Variants in FAM240C observed in about 807,000 individuals in gnomAD.
FAM240C encodes the protein family with sequence similarity 240 member C.
FAM240C carries 14 observed loss-of-function variants against 10.0 expected under a neutral mutation model. That is an observed-to-expected ratio of 1.40 (90% CI 0.92 to 2.19). The LOEUF (loss-of-function observed/expected upper bound fraction) is 2.19. Ranked by LOEUF, FAM240C falls within the 30% of genes most tolerant of loss-of-function variation. The pLI is 0.00. For synonymous variants in FAM240C, 49 were observed against 44.3 expected, an observed-to-expected ratio of 1.11 and a Z score of -0.42; for missense variants, 154 against 122.3, an observed-to-expected ratio of 1.26 and a Z score of -1.22.
chr2:241,899,259 C>T, intron 1 of FAM240C: 2 of 1,295,232 alleles, frequency 1.5e-6, no homozygotes, highest in Non-Finnish European at 2.0e-6. Context: ...GTGGCCTGCG[C>T]AGCCTGTTGT....
At chr2:241,901,968 C>G (rs555579220), upstream of FAM240C, among the ~76,000 whole-genome samples, 1 of 152,156 alleles carries the variant, frequency 6.6e-6, no homozygotes, top group Admixed American at 6.5e-5. This position sits in a 1 kb window ranked among gnomAD's most constrained non-coding sequence, Gnocchi z 4.9. Flanking sequence ...TGCGGAGGGA[C>G]GGCAGGGCGC....
At position 241,897,064 on chromosome 2, in the gene FAM240C, G is replaced by T. The variant is rs182834746; in HGVS notation, c.161+122C>A. ...TCCTTTCACAGGCCTGGAGCTGAGGGGTTTCATGGTGGGCTGAGGGCCAGG... is the reference window on the plus strand; with the variant it reads ...TCCTTTCACAGGCCTGGAGCTGAGGTGTTTCATGGTGGGCTGAGGGCCAGG... On this transcript the variant is annotated intron_variant, in intron 2 of 2. Coordinates refer to ENST00000404031, the MANE Select transcript of FAM240C (RefSeq NM_001382368.1). 136 of 1,035,362 alleles carry T rather than the reference G, an allele frequency of 1.3e-4. No homozygotes were observed. In the East Asian group the frequency reaches 3.4e-3, roughly 26 times the overall value. The allele number at this position is 1,035,362 out of a possible 1,614,324, so 64.1% of individuals were successfully genotyped here.
intron 2 of FAM240C, among the ~76,000 whole-genome samples, chr2:241,895,362 G>C (rs1461689776): frequency 6.6e-6 from 1 of 152,240 alleles, no homozygotes; most frequent in African/African-American, 2.4e-5. Context: ...CCATCCCAGA[G>C]AGGCTGCCAG....
intron 2 of FAM240C, among the ~76,000 whole-genome samples, chr2:241,896,420 A>G (rs1701805088): frequency 6.7e-6 from 1 of 150,174 alleles, no homozygotes; most frequent in African/African-American, 2.4e-5. Flanking sequence ...AACAAGCCAG[A>G]GAAAGACATT....
intron 1 of FAM240C, chr2:241,898,982 T>G: frequency 1.6e-6 from 1 of 622,466 alleles, no homozygotes. Context: ...TTGCTTGGCC[T>G]TGGAGGCATT....
chr2:241,894,066 G>T lies in FAM240C; in HGVS notation c.*147C>A. On this transcript the variant is annotated 3_prime_UTR_variant, in exon 3 of 3. Transcript: ENST00000404031. ...ACTCTGCTGCAGCGTGGACCCCGAG[G>T]TGGGATTATTACGGGGTCAGCGAGG... 1 of 883,112 alleles carries T rather than the reference G, an allele frequency of 1.1e-6. No homozygotes were observed. Among genetic ancestry groups the T allele is most frequent in the Non-Finnish European group, 1.7e-6 (1 of 599,906 alleles). 54.7% of individuals were successfully genotyped at this position (883,112 alleles called of 1,614,324 possible). A position where few individuals can be genotyped will look rare whatever the true frequency, so the allele number is the denominator to read the frequency against.
At chr2:241,900,711 C>T (rs905395153), upstream of FAM240C, among the ~76,000 whole-genome samples, 4 of 148,284 alleles carry the variant, frequency 2.7e-5, no homozygotes, top group African/African-American at 7.5e-5. The surrounding 1 kb of genome is among the most constrained non-coding windows in gnomAD (Gnocchi z 4.5). Context: ...TGGGGAGGGG[C>T]GTCGGGGCAC....
chr2:241,897,257 C>A lies in FAM240C; in HGVS notation c.90G>T (p.Glu30Asp). 1 of 1,549,954 alleles carries A rather than the reference C, an allele frequency of 6.5e-7. No individual in the cohort carries two copies. The highest frequency in any genetic ancestry group is 8.7e-7 in the Non-Finnish European group (1 of 1,146,556). ...GTCTTGCGTGATGCTCGATTTTTTTCTCCCAAAACATCTTTATCCCGCCTG... is the reference window on the plus strand; with the variant it reads ...GTCTTGCGTGATGCTCGATTTTTTTATCCCAAAACATCTTTATCCCGCCTG... ...YDSGGIKMFW[E>D]KKIEHHARHL... The change falls in exon 2 of 3, where the codon GAG becomes GAT. Residue 30 changes from glutamate to aspartate, a missense_variant. Physicochemically the swap from Glu to Asp is conservative, Grantham distance 45. Transcript: ENST00000404031.
chr2:241,897,822 C>T (rs1420970828), intron 1 of FAM240C, among the ~76,000 whole-genome samples: 1 of 152,174 alleles, frequency 6.6e-6, no homozygotes, highest in Non-Finnish European at 1.5e-5. Context: ...GCAGCCTTGA[C>T]CGCCTGAACT....
chr2:241,898,389 T>C lies in FAM240C; in HGVS notation c.13-1055A>G, dbSNP rs145485233. 8.2e-3 allele frequency among the ~76,000 whole-genome samples: 1,245 copies of C among 152,160 alleles called. 15 individuals are homozygous for C. Among genetic ancestry groups the C allele is most frequent in the African/African-American group, 0.029 (1,194 of 41,520 alleles). ...CAACATGGTGAAACCCTGTCTCTAC[T>C]AAAAATACAAAAATTAGCCGGGATT... On this transcript the variant is annotated intron_variant, in intron 1 of 2. Transcript: ENST00000404031.
Position 241,894,106 on chromosome 2 carries a change from A to C in FAM240C, c.*107T>G. 7.6e-7 allele frequency: 1 copy of C among 1,317,336 alleles called. No individual in the cohort carries two copies. Among genetic ancestry groups the C allele is most frequent in the Non-Finnish European group, 1.0e-6 (1 of 975,158 alleles). 81.6% of individuals were successfully genotyped at this position (1,317,336 alleles called of 1,614,324 possible). A position where few individuals can be genotyped will look rare whatever the true frequency, so the allele number is the denominator to read the frequency against. On this transcript the variant is annotated 3_prime_UTR_variant, in exon 3 of 3. Transcript: ENST00000404031. ...GGTCAGCGAGGTGCGGGCCATTTCC[A>C]TGATGAAGATCCTGTGAACTCTGGC...
At chr2:241,897,695 A>G (rs1701887072) in intron 1 of FAM240C, among the ~76,000 whole-genome samples, 1 of 152,208 alleles carries the variant, frequency 6.6e-6, no homozygotes, top group African/African-American at 2.4e-5. Context: ...CAGCGAGGTG[A>G]GCGTTTCTTG....
rs1701952793 is a variant in FAM240C at position 241,900,293 on chromosome 2, G to GT, written c.12+64_12+65insA. ...TCACATACTCTGTTCACCTTTTGGG[G>GT]GCCCCCAAATGCAGCGCCAATCTCT... On this transcript the variant is annotated intron_variant, in intron 1 of 2. Transcript: ENST00000404031. The surrounding 1 kb of genome is among the most constrained non-coding windows in gnomAD (Gnocchi z 4.5). The GT allele has an allele frequency of 7.0e-6, 5 of 714,502 alleles. No individual in the cohort carries two copies. The highest frequency in any genetic ancestry group is 1.3e-5 in the Non-Finnish European group (5 of 383,112). 44.3% of individuals were successfully genotyped at this position (714,502 alleles called of 1,614,324 possible). A position where few individuals can be genotyped will look rare whatever the true frequency, so the allele number is the denominator to read the frequency against.
chr2:241,894,572 G>T (rs906527782), intron 2 of FAM240C, among the ~76,000 whole-genome samples: 3 of 37,928 alleles, frequency 7.9e-5, no homozygotes, highest in Non-Finnish European at 1.6e-4. Context: ...CCAGTGGTTG[G>T]TGGGGGGGGG....
chr2:241,895,059 GC>G (rs1458206000), intron 2 of FAM240C, among the ~76,000 whole-genome samples: 3 of 152,224 alleles, frequency 2.0e-5, no homozygotes, highest in African/African-American at 7.2e-5. Context: ...TGGGTGCCCG[GC>G]TCCAGCCAAG....
chr2:241,895,962 G>GT (rs1390296411), intron 2 of FAM240C, among the ~76,000 whole-genome samples: 2 of 105,732 alleles, frequency 1.9e-5, no homozygotes, highest in East Asian at 4.3e-4. Context: ...GCACTCGGTG[G>GT]TGGGGGGGGG....
At chr2:241,899,333 A>G in intron 1 of FAM240C, 4 of 985,444 alleles carry the variant, frequency 4.1e-6, no homozygotes, top group Non-Finnish European at 2.4e-6. Flanking sequence ...TCGCCCATCG[A>G]TGCCACGCCC....
Position 241,897,231 on chromosome 2 carries a change from T to C in FAM240C, c.116A>G (p.His39Arg), listed in dbSNP as rs1229205687. The change falls in exon 2 of 3, where the codon CAC (histidine) becomes CGC (arginine). Residue 39 changes from histidine to arginine, a missense_variant. His to Arg is a conservative substitution (Grantham distance 29). Transcript: ENST00000404031. Reference sequence around the variant, plus strand: ...AACCCTGATGTCCTCGTTCTGCAGGTGTCTTGCGTGATGCTCGATTTTTTT... The same window carrying C: ...AACCCTGATGTCCTCGTTCTGCAGGCGTCTTGCGTGATGCTCGATTTTTTT... Reference protein sequence around the residue: ...WEKKIEHHARHLQNEDIRVRR... With the variant: ...WEKKIEHHARRLQNEDIRVRR... 6.5e-7 allele frequency: 1 copy of C among 1,549,844 alleles called. No homozygotes were observed. Among genetic ancestry groups the C allele is most frequent in the Non-Finnish European group, 8.7e-7 (1 of 1,146,538 alleles).
chr2:241,895,069 A>G (rs892840694), intron 2 of FAM240C, among the ~76,000 whole-genome samples: 1 of 152,248 alleles, frequency 6.6e-6, no homozygotes, highest in African/African-American at 2.4e-5. Flanking sequence ...GCTCCAGCCA[A>G]GGGTGAGCTG....
Sources: gnomAD v4.1 joint callset for allele counts (sites outside exome capture counted in the v4.1 genomes callset) on GRCh38, gnomAD v4.1.1 for gene constraint, Gnocchi (gnomAD v3.1) non-coding constraint, MANE v1.5 for transcripts, NCBI Gene and HGNC (gene_info 2026-07-23, HGNC 2026-07-21) for gene names.